TBX19: variants seen among roughly 807,000 people sequenced by gnomAD.
TBX19 encodes T-box transcription factor TBX19.
Under a neutral mutation model 40.9 loss-of-function variants are expected in TBX19, and 33 were observed. The observed-to-expected ratio is 0.81, with a 90% CI of 0.61 to 1.08. The LOEUF is 1.08. TBX19 is among the 50% of genes least tolerant of loss of function. The pLI is 0.00. For synonymous variants in TBX19, 220 were observed against 225.0 expected (o/e 0.98, Z 0.20); for missense variants, 494 against 574.0 (o/e 0.86, Z 1.42).
In TBX19 at chr1:168,313,296, T is replaced by G; in HGVS notation, c.*294T>G. 2.2e-6 allele frequency: 1 copy of G among 464,084 alleles called. No homozygotes were observed. Among genetic ancestry groups the G allele is most frequent in the Non-Finnish European group, 3.9e-6 (1 of 253,540 alleles). The allele number at this position is 464,084 out of a possible 1,614,324, so 28.7% of individuals were successfully genotyped here. The stretch of plus-strand genomic sequence containing the variant: ...TACCATCCTTGTGCCCTGCCTCTTA[T>G]TCTCAAATCGTTCTGGAAAGCCTCA... On this transcript the variant is annotated 3_prime_UTR_variant, in exon 8 of 8. Transcript: ENST00000367821.
rs1649563326 is a variant in TBX19, at chr1:168,312,974, A to G, written c.1319A>G (p.His440Arg). 1 of 1,614,154 alleles carries G rather than the reference A, an allele frequency of 6.2e-7. No homozygotes were observed. The highest frequency in any genetic ancestry group is 8.5e-7 in the Non-Finnish European group (1 of 1,180,018). ...AGWGGPGAGG[H>R]HSPSSLDG ...TGGGGTGGCCCAGGAGCGGGTGGGCACCATTCTCCTTCCTCACTGGATGGT... is the reference window on the plus strand; with the variant it reads ...TGGGGTGGCCCAGGAGCGGGTGGGCGCCATTCTCCTTCCTCACTGGATGGT... Residue 440 changes from histidine (H) to arginine (R), a missense_variant, in exon 8 of 8, where the codon CAC becomes CGC. Physicochemically the swap from His to Arg is conservative, Grantham distance 29 (BLOSUM62 0). Around this residue, in one of 3 missense-constraint regions of TBX19, gnomAD observed 284 missense variants for 307.3 expected, o/e 0.92. Coordinates refer to ENST00000367821, the MANE Select transcript of TBX19 (RefSeq NM_005149.3).
chr1:168,287,606 A>T (rs1280941663), intron 1 of TBX19, among the ~76,000 whole-genome samples: 1 of 150,744 alleles, frequency 6.6e-6, no homozygotes. Context: ...GCCCCAAATG[A>T]TCTTACATGT....
At chr1:168,307,007 G>T (rs1649419688) in intron 6 of TBX19, among the ~76,000 whole-genome samples, 1 of 152,156 alleles carries the variant, frequency 6.6e-6, no homozygotes, top group Non-Finnish European at 1.5e-5. Context: ...GGTGGAGGAT[G>T]ACATGTGCCA....
chr1:168,286,706 C>T (rs1280611663), intron 1 of TBX19, among the ~76,000 whole-genome samples: 14 of 152,136 alleles, frequency 9.2e-5, no homozygotes, highest in Non-Finnish European at 8.8e-5. Context: ...CAAATGTTTG[C>T]ATGGAGCTAT....
Position 168,308,791 on chromosome 1 carries a change from T to C in TBX19, c.966T>C (p.Pro322=). The part of the protein sequence containing the change: ...SSNNLQVFSG[P]DSWTSLSSTP... ...ATAATCTGCAAGTTTTCTCGGGACC[T>C]GACAGCTGGACTTCCTTATCCTCCA... The change falls in exon 7 of 8, where the codon CCT becomes CCC. Residue 322 remains proline (P), a synonymous_variant. Coordinates refer to ENST00000367821, the MANE Select transcript of TBX19 (RefSeq NM_005149.3). 1 of 1,614,150 alleles carries C rather than the reference T, an allele frequency of 6.2e-7. No individual in the cohort carries two copies. Among genetic ancestry groups the C allele is most frequent in the Middle Eastern group, 1.6e-4 (1 of 6,062 alleles).
chr1:168,308,146 T>A (rs1341961600), intron 6 of TBX19: 3 of 47,634 alleles, frequency 6.3e-5, no homozygotes, highest in African/African-American at 3.4e-4. Flanking sequence ...TTTTCTTAAT[T>A]TTTTTTTTTT....
chr1:168,285,398 ACT>A (rs1400359999), intron 1 of TBX19, among the ~76,000 whole-genome samples: 1 of 151,724 alleles, frequency 6.6e-6, no homozygotes, highest in East Asian at 1.9e-4. Flanking sequence ...TTTGCTTTTA[ACT>A]CTCTGCTGTT....
At position 168,305,191 on chromosome 1, in the gene TBX19, C is replaced by T. The variant is rs1649372128; in HGVS notation, c.911C>T (p.Pro304Leu). Residue 304 changes from proline (P) to leucine (L), a missense_variant, in exon 6 of 8, where the codon CCC (proline) becomes CTC (leucine). Pro to Leu is a moderately conservative substitution (Grantham distance 98). Coordinates refer to ENST00000367821, the MANE Select transcript of TBX19 (RefSeq NM_005149.3). ...PSAYMHRNHS[P>L]SVNLIESSSN... is the part of the protein sequence containing the mutation. ...GCGTACATGCACAGAAACCATTCTC[C>T]CTCAGGTCTGTGACTCTGCTGATTA... 2 of 1,610,906 alleles carry T rather than the reference C, an allele frequency of 1.2e-6. No individual in the cohort carries two copies. Among genetic ancestry groups the T allele is most frequent in the African/African-American group, 1.3e-5 (1 of 74,870 alleles).
At position 168,305,193 on chromosome 1, in the gene TBX19, T is replaced by C. The variant is rs1649372187; in HGVS notation, c.913T>C (p.Ser305Pro). ...GTACATGCACAGAAACCATTCTCCC[T>C]CAGGTCTGTGACTCTGCTGATTAAA... ...SAYMHRNHSP[S>P]VNLIESSSNN... is the part of the protein sequence containing the mutation. The change falls in exon 6 of 8, where the codon TCA (serine) becomes CCA (proline). Residue 305 changes from serine to proline, a missense_variant. By Grantham distance (74) the Ser-to-Pro change is moderately conservative (BLOSUM62 -1). Coordinates refer to ENST00000367821, the MANE Select transcript of TBX19 (RefSeq NM_005149.3). 6.2e-7 allele frequency: 1 copy of C among 1,610,608 alleles called. No individual in the cohort carries two copies. Among genetic ancestry groups the C allele is most frequent in the East Asian group, 2.2e-5 (1 of 44,874 alleles).
At chr1:168,284,408 C>T (rs1648752669) in intron 1 of TBX19, among the ~76,000 whole-genome samples, 2 of 152,106 alleles carry the variant, frequency 1.3e-5, no homozygotes, top group Admixed American at 1.3e-4. Flanking sequence ...AGCATGGCAG[C>T]TCATGTCTGT....
intron 5 of TBX19, among the ~76,000 whole-genome samples, chr1:168,302,934 C>A (rs941333593): frequency 6.6e-6 from 1 of 152,196 alleles, no homozygotes; most frequent in Non-Finnish European, 1.5e-5. Flanking sequence ...GTTACATATA[C>A]GTGTAATGCC....
In TBX19 at chr1:168,281,313, C is replaced by A; in HGVS notation, c.203+20C>A. On this transcript the variant is annotated intron_variant, in intron 1 of 7. Transcript: ENST00000367821. ...TGGCAGGTGAGTTTATCTGCCGCCC[C>A]GCGTGGGCTGGCAGGGCTTGGCAGG... 1 of 1,612,538 alleles carries A rather than the reference C, an allele frequency of 6.2e-7. No homozygotes were observed. Among genetic ancestry groups the A allele is most frequent in the Non-Finnish European group, 8.5e-7 (1 of 1,178,678 alleles).
intron 1 of TBX19, among the ~76,000 whole-genome samples, chr1:168,288,149 C>T (rs1648848536): frequency 6.6e-6 from 1 of 152,140 alleles, no homozygotes; most frequent in Non-Finnish European, 1.5e-5. Flanking sequence ...GCTGAAGTTC[C>T]TTATATAAAA....
intron 5 of TBX19, 68 bp downstream of exon 5, chr1:168,300,551 A>G: frequency 6.9e-7 from 1 of 1,446,390 alleles, no homozygotes; most frequent in South Asian, 1.2e-5. Context: ...TTCCACACTC[A>G]GACTCTTTGC....
chr1:168,292,780 C>T lies in TBX19; in HGVS notation c.469-364C>T, dbSNP rs563321848. On this transcript the variant is annotated intron_variant, in intron 2 of 7. Coordinates refer to ENST00000367821, the MANE Select transcript of TBX19 (RefSeq NM_005149.3). Reference sequence around the variant, plus strand: ...TCGGGAGGCTGAGGCAGGAGAATGGCGTGAACCCGGGAGGCGGAGCTTGCA... The same window carrying T: ...TCGGGAGGCTGAGGCAGGAGAATGGTGTGAACCCGGGAGGCGGAGCTTGCA... Among the ~76,000 whole-genome samples the T allele has an allele frequency of 8.3e-5, 12 of 145,144 alleles. No individual in the cohort carries two copies. The East Asian group carries it at 8.6e-4, about 10-fold the overall frequency.
chr1:168,298,145 G>T (rs898375660), intron 4 of TBX19, among the ~76,000 whole-genome samples: 1 of 152,158 alleles, frequency 6.6e-6, no homozygotes, highest in African/African-American at 2.4e-5. Flanking sequence ...GCAGTGAGCC[G>T]AGATGGCGCC....
At position 168,291,416 on chromosome 1, in the gene TBX19, G is replaced by A. The variant is rs375592995; in HGVS notation, c.460G>A (p.Gly154Ser). 1 of 1,614,188 alleles carries A rather than the reference G, an allele frequency of 6.2e-7. No individual in the cohort carries two copies. The highest frequency in any genetic ancestry group is 8.5e-7 in the Non-Finnish European group (1 of 1,180,042). ...GAAGCTGACCAACAAGCTCAATGGA[G>A]GCGGGCAGGTACGAATGAGGCGGGC... is the stretch of plus-strand genomic sequence containing the variant. ...KVKLTNKLNGGGQIMLNSLHK... is the reference protein window; with the variant it reads ...KVKLTNKLNGSGQIMLNSLHK... The change falls in exon 2 of 8, where the codon GGC (glycine) becomes AGC (serine). Residue 154 changes from glycine to serine, a missense_variant. By Grantham distance (56) the Gly-to-Ser change is moderately conservative. Around this residue, in one of 3 missense-constraint regions of TBX19, gnomAD observed 201 missense variants for 235.2 expected, o/e 0.85. Transcript: ENST00000367821.
chr1:168,283,852 C>T lies in TBX19; in HGVS notation c.203+2559C>T, dbSNP rs74123906. 8.5e-3 allele frequency among the ~76,000 whole-genome samples: 1,289 copies of T among 152,296 alleles called. 20 individuals are homozygous for T. Among genetic ancestry groups the T allele is most frequent in the African/African-American group, 0.029 (1,222 of 41,548 alleles). On this transcript the variant is annotated intron_variant, in intron 1 of 7. Coordinates refer to ENST00000367821, the MANE Select transcript of TBX19 (RefSeq NM_005149.3). ...ATCATTTGGGGTGGTAACTCCTATA[C>T]ACTTGAGGTCTCATTGTTCTGCACT...
chr1:168,283,100 C>T lies in TBX19; in HGVS notation c.203+1807C>T, dbSNP rs375232177. On this transcript the variant is annotated intron_variant, in intron 1 of 7. Coordinates refer to ENST00000367821, the MANE Select transcript of TBX19 (RefSeq NM_005149.3). ...TGGTGTGCTCCTGTTGTCCCAGCTA[C>T]GCAGGAGGCTGAGGCAAGGGGTCCT... Among the ~76,000 whole-genome samples, 21 of 152,320 alleles carry T rather than the reference C, an allele frequency of 1.4e-4. No individual in the cohort carries two copies. The East Asian group carries it at 1.5e-3, about 11-fold the overall frequency.
Sources: gnomAD v4.1 joint callset for allele counts (sites outside exome capture counted in the v4.1 genomes callset) on GRCh38, gnomAD v4.1.1 for gene constraint, gnomAD v4.1.1 regional missense constraint, MANE v1.5 for transcripts, NCBI Gene and HGNC (gene_info 2026-07-23, HGNC 2026-07-21) for gene names.